SMOC1: variants seen among roughly 807,000 people sequenced by gnomAD.
The protein encoded by SMOC1 is SPARC related modular calcium binding 1.
In SMOC1, 22 loss-of-function variants were observed where a neutral mutation model predicts 56.3. The observed-to-expected ratio is 0.39, with a 90% confidence interval of 0.28 to 0.56. SMOC1 has a LOEUF of 0.56. Among genes scored for constraint, SMOC1 ranks in the 20% least tolerant of loss-of-function variants. The pLI, the probability that SMOC1 is intolerant of heterozygous loss-of-function variation, is 0.61. For missense variants in SMOC1, 509 were observed against 565.4 expected, an observed-to-expected ratio of 0.90 and a Z score of 1.01; for synonymous variants, 193 against 215.0, an observed-to-expected ratio of 0.90 and a Z score of 0.89.
At chr14:70,029,114 C>T (rs1886041726) in intron 11 of SMOC1, among the ~76,000 whole-genome samples, 1 of 152,150 alleles carries the variant, frequency 6.6e-6, no homozygotes, top group South Asian at 2.1e-4. Context: ...GTCACGTGGC[C>T]CTAAGCATCT....
chr14:69,945,595 A>G (rs10220692), intron 1 of SMOC1, among the ~76,000 whole-genome samples: 67,734 of 152,092 alleles, frequency 0.45, 16,148 homozygotes, highest in African/African-American at 0.62. Flanking sequence ...GCCAACCCAC[A>G]TAATTATGAA....
At chr14:70,005,376 C>G (rs1178101284) in intron 7 of SMOC1, among the ~76,000 whole-genome samples, 1 of 152,166 alleles carries the variant, frequency 6.6e-6, no homozygotes, top group East Asian at 1.9e-4. Context: ...CCAGGCTTAT[C>G]CTCTCTTGGT....
intron 4 of SMOC1, 44 bp from the exon 5 acceptor site, chr14:69,977,874 A>G (rs1268226658): frequency 1.0e-5 from 16 of 1,573,202 alleles, no homozygotes; most frequent in South Asian, 3.3e-5. Flanking sequence ...ACCAACCACA[A>G]TGCATTCTGA....
chr14:69,930,968 A>T (rs574392800), intron 1 of SMOC1, among the ~76,000 whole-genome samples: 2 of 152,252 alleles, frequency 1.3e-5, no homozygotes, highest in South Asian at 4.1e-4. Context: ...TCATGCTTGC[A>T]TTTGTGCCAG....
At chr14:69,961,072 TCTC>T (rs1883352088) in intron 3 of SMOC1, among the ~76,000 whole-genome samples, 1 of 151,892 alleles carries the variant, frequency 6.6e-6, no homozygotes, top group African/African-American at 2.4e-5. Context: ...CCATTACCTC[TCTC>T]CTCAGTCCTT....
At chr14:69,953,681 C>T (rs1883087227) in intron 3 of SMOC1, 149 bp downstream of exon 3, 1 of 727,876 alleles carries the variant, frequency 1.4e-6, no homozygotes, top group Non-Finnish European at 2.5e-6. Flanking sequence ...TGCCTTCCCC[C>T]TCTCTGGCCC....
At chr14:69,967,413 G>T (rs1265037475) in intron 3 of SMOC1, among the ~76,000 whole-genome samples, 1 of 152,214 alleles carries the variant, frequency 6.6e-6, no homozygotes. Flanking sequence ...GCCCAGGATC[G>T]CTTTGAATGA....
intron 10 of SMOC1, among the ~76,000 whole-genome samples, chr14:70,022,415 A>C (rs1034603859): frequency 6.6e-6 from 1 of 152,164 alleles, no homozygotes; most frequent in Non-Finnish European, 1.5e-5. Context: ...TGGTGACTCT[A>C]GTCCAGCATT....
chr14:69,970,766 G>A (rs561250928), intron 3 of SMOC1, among the ~76,000 whole-genome samples: 1 of 152,230 alleles, frequency 6.6e-6, no homozygotes, highest in Non-Finnish European at 1.5e-5. Context: ...TCTGCTCATC[G>A]GTTGCTCACC....
chr14:69,886,821 C>T (rs1336040076), intron 1 of SMOC1, among the ~76,000 whole-genome samples: 1 of 152,008 alleles, frequency 6.6e-6, no homozygotes, highest in Non-Finnish European at 1.5e-5. Flanking sequence ...GGCCAAGGAC[C>T]AGATTTAAAC....
In SMOC1 at chr14:70,010,953, C is replaced by T; in HGVS notation, c.857+7C>T. The T allele has an allele frequency of 1.2e-6, 2 of 1,612,028 alleles. No individual in the cohort carries two copies. Among genetic ancestry groups the T allele is most frequent in the Non-Finnish European group, 1.7e-6 (2 of 1,179,916 alleles). The stretch of plus-strand genomic sequence containing the variant: ...TGCCTGGGACCTCCACACGGTAAGC[C>T]CCCCAGACTGGGTCCTGGGAAAAAC... On this transcript the variant is annotated splice_region_variant and intron_variant, in intron 8 of 11. Transcript: ENST00000361956.
At chr14:69,974,582 ATCCCAACG>A (rs1342851783) in intron 3 of SMOC1, among the ~76,000 whole-genome samples, 20 of 152,222 alleles carry the variant, frequency 1.3e-4, no homozygotes, top group South Asian at 8.3e-4. Context: ...TCTATCCTAG[ATCCCAACG>A]CGAATCACTG....
At chr14:69,973,434 A>G (rs1447811758) in intron 3 of SMOC1, among the ~76,000 whole-genome samples, 1 of 152,224 alleles carries the variant, frequency 6.6e-6, no homozygotes, top group East Asian at 1.9e-4. Flanking sequence ...ATTCAAATCC[A>G]CGTCTATCTG....
chr14:69,917,616 G>C (rs191284026), intron 1 of SMOC1, among the ~76,000 whole-genome samples: 17 of 152,250 alleles, frequency 1.1e-4, no homozygotes, highest in Non-Finnish European at 2.1e-4. Context: ...GGTCTTCAGC[G>C]GGTTACACTT....
chr14:69,988,608 C>T (rs1884452418), intron 5 of SMOC1, among the ~76,000 whole-genome samples: 1 of 152,004 alleles, frequency 6.6e-6, no homozygotes, highest in South Asian at 2.1e-4. Context: ...AATATACAAC[C>T]CAATGAATTT....
At chr14:69,903,252 C>T (rs940508589) in intron 1 of SMOC1, among the ~76,000 whole-genome samples, 9 of 151,348 alleles carry the variant, frequency 5.9e-5, no homozygotes, top group South Asian at 2.1e-4. Flanking sequence ...ATGTGAGGAG[C>T]GCCTCTGCCC....
chr14:69,907,970 G>A (rs1050996739), intron 1 of SMOC1, among the ~76,000 whole-genome samples: 2 of 152,082 alleles, frequency 1.3e-5, no homozygotes, highest in African/African-American at 4.8e-5. Context: ...CCTCCCAAAG[G>A]CCTCCTAATA....
intron 5 of SMOC1, among the ~76,000 whole-genome samples, chr14:69,988,325 T>C (rs1884442041): frequency 6.6e-6 from 1 of 151,870 alleles, no homozygotes; most frequent in Admixed American, 6.6e-5. Flanking sequence ...TTCCTTTTAA[T>C]ATGGAAGATT....
At chr14:69,910,945 T>TA (rs1483920012) in intron 1 of SMOC1, among the ~76,000 whole-genome samples, 2 of 152,104 alleles carry the variant, frequency 1.3e-5, no homozygotes, top group East Asian at 3.9e-4. Flanking sequence ...CGGAGACTGT[T>TA]ATAAGCTATA....
Sources: allele counts gnomAD v4.1 joint callset (sites outside exome capture counted in the v4.1 genomes callset), GRCh38; gene constraint gnomAD v4.1.1; transcripts MANE v1.5; gene names NCBI Gene and HGNC (gene_info 2026-07-23, HGNC 2026-07-21).